RHOBTB1: variants seen among roughly 807,000 people sequenced by gnomAD.
RHOBTB1 encodes Rho related BTB domain containing 1, also known as rho-related BTB domain-containing protein 1.
In RHOBTB1, 40 loss-of-function variants were observed where a neutral mutation model predicts 71.6. That is an observed-to-expected ratio of 0.56 (90% CI 0.43 to 0.73). The LOEUF is 0.73. RHOBTB1 is among the 30% of genes least tolerant of loss of function. The probability of loss-of-function intolerance (pLI) is 0.00; values close to 1 mark genes in which losing one functional copy is unlikely to be tolerated. For missense variants in RHOBTB1, 797 were observed against 894.0 expected (o/e 0.89, Z 1.38); for synonymous variants, 319 against 334.9 (o/e 0.95, Z 0.52).
intron 4 of RHOBTB1, among the ~76,000 whole-genome samples, chr10:60,909,345 G>T (rs1470003900): frequency 2.0e-5 from 3 of 151,852 alleles, no homozygotes; most frequent in Non-Finnish European, 4.4e-5. Flanking sequence ...TTTTTCACAG[G>T]TATTGACAAA....
intron 4 of RHOBTB1, among the ~76,000 whole-genome samples, chr10:60,908,507 G>C (rs1367511384): frequency 6.6e-6 from 1 of 151,916 alleles, no homozygotes; most frequent in Non-Finnish European, 1.5e-5. Flanking sequence ...AAACAAAAAA[G>C]GTTTGTAAAA....
At chr10:60,985,478 C>T (rs780986151) in intron 2 of RHOBTB1, among the ~76,000 whole-genome samples, 1 of 152,198 alleles carries the variant, frequency 6.6e-6, no homozygotes, top group Non-Finnish European at 1.5e-5. Flanking sequence ...TCTAAATCTT[C>T]CTTGTATATG....
intron 2 of RHOBTB1, among the ~76,000 whole-genome samples, chr10:60,983,840 CT>C (rs1375586452): frequency 6.6e-6 from 1 of 152,322 alleles, no homozygotes; most frequent in African/African-American, 2.4e-5. Flanking sequence ...CGGCCCCGCC[CT>C]CCTTCTGGCC....
chr10:60,958,751 C>T (rs1344869163), intron 2 of RHOBTB1, among the ~76,000 whole-genome samples: 2 of 151,968 alleles, frequency 1.3e-5, no homozygotes, highest in Non-Finnish European at 2.9e-5. Flanking sequence ...CAGGTGTGCA[C>T]CACCATGCCC....
intron 2 of RHOBTB1, among the ~76,000 whole-genome samples, chr10:60,981,858 C>A (rs2134812813): frequency 6.6e-6 from 1 of 152,238 alleles, no homozygotes; most frequent in Non-Finnish European, 1.5e-5. Flanking sequence ...CAACCTCTGC[C>A]TCCTGGGTTC....
chr10:60,910,884 T>C lies in RHOBTB1; in HGVS notation c.296+3A>G. On this transcript the variant is annotated splice_donor_region_variant and intron_variant, in intron 4 of 10. Coordinates refer to ENST00000337910, the MANE Select transcript of RHOBTB1 (RefSeq NM_014836.5). ...CAACCACGCTGTACTAGTCTTGGTT[T>C]ACCTGCCATATGCAAAGCGTCTGTC... The C allele has an allele frequency of 1.2e-6, 2 of 1,610,200 alleles. No individual in the cohort carries two copies. The highest frequency in any genetic ancestry group is 1.1e-5 in the South Asian group (1 of 90,994).
the RHOBTB1 span, among the ~76,000 whole-genome samples, chr10:60,863,400 C>T: frequency 2.9e-3 from 445 of 151,596 alleles, 2 homozygotes; most frequent in African/African-American, 0.01. Context: ...TTTTTTCATC[C>T]GTATTTATTT....
intron 2 of RHOBTB1, among the ~76,000 whole-genome samples, chr10:60,950,123 G>A (rs547394622): frequency 5.3e-5 from 8 of 152,276 alleles, no homozygotes; most frequent in Non-Finnish European, 7.4e-5. Context: ...ATAAGAGGAG[G>A]TAGCAAACAG....
In RHOBTB1 at chr10:60,911,420, C is replaced by T. The variant is rs950258870; in HGVS notation, c.123G>A (p.Thr41=). ...CGTGGGTGGCCAGCAGCTGATACTG[C>T]GTGAGTGTGGTGTTGCACGCCCTGG... ...ICARACNTTL[T]QYQLLATHVP... is the part of the protein sequence containing the mutation. The change falls in exon 3 of 11, where the codon ACG becomes ACA. Residue 41 remains threonine (T), a synonymous_variant. Transcript: ENST00000337910. 7 of 1,614,044 alleles carry T rather than the reference C, an allele frequency of 4.3e-6. No homozygotes were observed. Among genetic ancestry groups the T allele is most frequent in the South Asian group, 1.1e-5 (1 of 91,090 alleles).
intron 2 of RHOBTB1, among the ~76,000 whole-genome samples, chr10:60,960,219 T>C (rs188853275): frequency 1.3e-5 from 2 of 152,232 alleles, no homozygotes; most frequent in East Asian, 3.8e-4. Flanking sequence ...TATGATGACA[T>C]TTCTTATACT....
intron 2 of RHOBTB1, among the ~76,000 whole-genome samples, chr10:60,975,745 G>C (rs567446636): frequency 6.6e-6 from 1 of 152,038 alleles, no homozygotes; most frequent in South Asian, 2.1e-4. Context: ...ATCTCTCTTC[G>C]AAATGTTTCA....
chr10:60,868,144 G>A (rs1271804231), downstream of RHOBTB1, among the ~76,000 whole-genome samples: 1 of 151,730 alleles, frequency 6.6e-6, no homozygotes, highest in East Asian at 1.9e-4. Context: ...CAACACAAAT[G>A]CATTCTCTCT....
At chr10:60,950,484 G>A (rs2085373520) in intron 2 of RHOBTB1, among the ~76,000 whole-genome samples, 4 of 152,098 alleles carry the variant, frequency 2.6e-5, no homozygotes, top group Middle Eastern at 3.4e-3. Context: ...AACCAAAAAC[G>A]AAACAAAGAT....
downstream of RHOBTB1, among the ~76,000 whole-genome samples, chr10:60,867,101 C>T (rs1564709272): frequency 6.6e-6 from 1 of 152,156 alleles, no homozygotes; most frequent in Non-Finnish European, 1.5e-5. Context: ...TCTCATTTAA[C>T]TTGTACTGAA....
intron 2 of RHOBTB1, among the ~76,000 whole-genome samples, chr10:60,970,707 A>T (rs138974201): frequency 4.4e-4 from 67 of 152,198 alleles, no homozygotes; most frequent in African/African-American, 1.5e-3. Context: ...GTCAGAAAAG[A>T]GCTTACATAG....
chr10:60,979,705 A>G (rs1388710369), intron 2 of RHOBTB1, among the ~76,000 whole-genome samples: 5 of 152,214 alleles, frequency 3.3e-5, no homozygotes, highest in Non-Finnish European at 5.9e-5. Context: ...AGTGAATTAC[A>G]TCATTTATCA....
intron 2 of RHOBTB1, among the ~76,000 whole-genome samples, chr10:60,982,026 C>T (rs934492209): frequency 6.6e-6 from 1 of 152,188 alleles, no homozygotes; most frequent in Non-Finnish European, 1.5e-5. Flanking sequence ...TGGCCTCGGC[C>T]TCCCAAAGGG....
chr10:60,925,957 G>A (rs1411749423), intron 2 of RHOBTB1, among the ~76,000 whole-genome samples: 4 of 152,080 alleles, frequency 2.6e-5, no homozygotes, highest in Non-Finnish European at 4.4e-5. Flanking sequence ...ATAGTTGGGC[G>A]TGGTGTCTCA....
intron 2 of RHOBTB1, among the ~76,000 whole-genome samples, chr10:60,935,181 A>C (rs1026125112): frequency 2.6e-5 from 4 of 152,350 alleles, no homozygotes; most frequent in African/African-American, 9.6e-5. Flanking sequence ...CTACTGCTGC[A>C]TACATTATGG....
Sources: gnomAD v4.1 joint callset for allele counts (sites outside exome capture counted in the v4.1 genomes callset) on GRCh38, gnomAD v4.1.1 for gene constraint, MANE v1.5 for transcripts, NCBI Gene and HGNC (gene_info 2026-07-23, HGNC 2026-07-21) for gene names.